The following ANKRD11 variants were observed in gnomAD, a reference collection of about 807,000 sequenced individuals.
The protein encoded by ANKRD11 is ankyrin repeat domain 11.
A neutral mutation model predicts 195.7 loss-of-function variants in ANKRD11; 17 were observed. The observed-to-expected ratio is 0.09, with a 90% confidence interval of 0.06 to 0.13. The LOEUF (loss-of-function observed/expected upper bound fraction) is 0.13, where lower values mean the gene tolerates loss of function less well. ANKRD11 is among the 10% of genes least tolerant of loss of function. The probability of loss-of-function intolerance (pLI) is 1.00; values close to 1 mark genes in which losing one functional copy is unlikely to be tolerated. For synonymous variants in ANKRD11, 1,953 were observed against 1,528.1 expected, an observed-to-expected ratio of 1.28 and a Z score of -6.49; for missense variants, 3,735 against 3,566.1, an observed-to-expected ratio of 1.05 and a Z score of -1.21.
chr16:89,379,586 C>A (rs2040559790), intron 2 of ANKRD11, among the ~76,000 whole-genome samples: 1 of 152,226 alleles, frequency 6.6e-6, no homozygotes, highest in Non-Finnish European at 1.5e-5. Context: ...TCAAGTGACA[C>A]TTCTGCCTCA....
Position 89,316,951 on chromosome 16 carries a change from C to T in ANKRD11, c.69G>A (p.Glu23=), listed in dbSNP as rs533051571. Residue 23 remains glutamate, a synonymous_variant, in exon 3 of 13, where the codon GAG becomes GAA. Coordinates refer to ENST00000301030, the MANE Select transcript of ANKRD11 (RefSeq NM_013275.6). ...GCATTACCTTTTTCCCAGTCTGCTT[C>T]TCCACCATGTCGCTGCTGAGGGGAA... ...EELPLSSDMV[E]KQTGKKDKDK... The T allele has an allele frequency of 2.2e-4, 355 of 1,613,824 alleles. 1 individual carries two copies. Among genetic ancestry groups the T allele is most frequent in the Middle Eastern group, 1.6e-3 (10 of 6,062 alleles).
rs1431780879 is a variant in ANKRD11 at position 89,284,799 on chromosome 16, AGAG to A, written c.1740_1742del (p.Ser581del). On this transcript the variant is annotated inframe_deletion, in exon 9 of 13. Transcript: ENST00000301030. The stretch of plus-strand genomic sequence containing the variant: ...TCAGCGATTCCACACTGGAGCCCTC[AGAG>A]GAGTAGTCAGACTCGCTTGTCAGTC... The A allele has an allele frequency of 4.3e-6, 7 of 1,613,536 alleles. No homozygotes were observed. In the African/African-American group the frequency reaches 5.3e-5, roughly 12 times the overall value.
In ANKRD11 at chr16:89,477,278, C is replaced by T. The variant is rs367949832; in HGVS notation, c.-145+12967G>A. ...CGCCATCTCGGCTCACTGCAACCTC[C>T]ACCTCCCATGTTCAAGCGATTCTCC... On this transcript the variant is annotated intron_variant, in intron 1 of 12. Coordinates refer to ENST00000301030, the MANE Select transcript of ANKRD11 (RefSeq NM_013275.6). Among the ~76,000 whole-genome samples the T allele has an allele frequency of 5.9e-5, 9 of 151,948 alleles. No individual in the cohort carries two copies. In the East Asian group the frequency reaches 1.2e-3, roughly 20 times the overall value.
intron 1 of ANKRD11, among the ~76,000 whole-genome samples, chr16:89,447,164 C>T (rs2152307727): frequency 6.6e-6 from 1 of 152,182 alleles, no homozygotes; most frequent in Non-Finnish European, 1.5e-5. Context: ...ACACCAGTGG[C>T]CTCCTCACCC....
At chr16:89,271,234 G>T in intron 11 of ANKRD11, 2 of 362,806 alleles carry the variant, frequency 5.5e-6, no homozygotes, top group Non-Finnish European at 1.0e-5. Context: ...ACTCCTGGGA[G>T]AGACTTTTTT....
chr16:89,280,149 C>A lies in ANKRD11; in HGVS notation c.6393G>T (p.Leu2131=), dbSNP rs768549819. ...CCGGCAGGGAGAAGGGCCCCAGGTC[C>A]AGGTCGTCCTCGGGGCCGGCGAAGG... The part of the protein sequence containing the change: ...ADAFAGPEDD[L]DLGPFSLPEL... The change falls in exon 9 of 13, where the codon CTG becomes CTT. Residue 2131 remains leucine (L), a synonymous_variant. Coordinates refer to ENST00000301030, the MANE Select transcript of ANKRD11 (RefSeq NM_013275.6). 29 of 1,610,802 alleles carry A rather than the reference C, an allele frequency of 1.8e-5. No individual in the cohort carries two copies. The highest frequency in any genetic ancestry group is 2.5e-5 in the Non-Finnish European group (29 of 1,179,134).
At chr16:89,484,887 T>G (rs2057553871) in intron 1 of ANKRD11, among the ~76,000 whole-genome samples, 1 of 152,130 alleles carries the variant, frequency 6.6e-6, no homozygotes, top group Admixed American at 6.6e-5. Flanking sequence ...CCTACAGATT[T>G]CCAGGATAAT....
chr16:89,460,027 G>A (rs992270595), intron 1 of ANKRD11, among the ~76,000 whole-genome samples: 5 of 151,994 alleles, frequency 3.3e-5, no homozygotes, highest in African/African-American at 4.8e-5. Context: ...TTTGAGGTCC[G>A]GAGTTTGAGA....
intron 4 of ANKRD11, chr16:89,301,707 G>T: frequency 5.0e-6 from 2 of 398,658 alleles, no homozygotes; most frequent in South Asian, 1.3e-4. Flanking sequence ...GCTGTGCAGG[G>T]ACCACGCGGA....
rs138699774 is a variant in ANKRD11 at position 89,319,555 on chromosome 16, C to T, written c.-59-2477G>A. On this transcript the variant is annotated intron_variant, in intron 2 of 12. Transcript: ENST00000301030. ...GTGGCCCTTCCAGGACCCTCGTGTC[C>T]GCCTGGCCTTGGCTACAACATGTTA... Among the ~76,000 whole-genome samples the T allele has an allele frequency of 1.6e-3, 251 of 152,358 alleles. 1 individual carries two copies. Among genetic ancestry groups the T allele is most frequent in the African/African-American group, 5.4e-3 (225 of 41,578 alleles).
chr16:89,469,143 G>A (rs1044651481), intron 1 of ANKRD11, among the ~76,000 whole-genome samples: 1 of 151,550 alleles, frequency 6.6e-6, no homozygotes, highest in Non-Finnish European at 1.5e-5. Flanking sequence ...CCACTGCACT[G>A]CACTTCAGCT....
chr16:89,361,056 C>A (rs1001923678), intron 2 of ANKRD11, among the ~76,000 whole-genome samples: 1 of 152,184 alleles, frequency 6.6e-6, no homozygotes, highest in Non-Finnish European at 1.5e-5. Context: ...CCAGGATCAG[C>A]CCACCCCAGC....
chr16:89,317,178 G>A, intron 2 of ANKRD11, 100 bp from the exon 3 acceptor site: 1 of 872,014 alleles, frequency 1.1e-6, no homozygotes, highest in Non-Finnish European at 1.8e-6. Context: ...AGTCAAGGCA[G>A]GCAGCTGCTC....
intron 1 of ANKRD11, among the ~76,000 whole-genome samples, chr16:89,463,699 C>G (rs1231914523): frequency 2.0e-5 from 3 of 151,690 alleles, no homozygotes; most frequent in African/African-American, 7.3e-5. Context: ...AAAAAAAAGC[C>G]TCACACTGGA....
chr16:89,367,102 C>A (rs994792326), intron 2 of ANKRD11, among the ~76,000 whole-genome samples: 1 of 152,210 alleles, frequency 6.6e-6, no homozygotes, highest in Non-Finnish European at 1.5e-5. Flanking sequence ...CACCCCGAGA[C>A]TCACCGGATA....
At chr16:89,464,363 C>T (rs2056808775) in intron 1 of ANKRD11, among the ~76,000 whole-genome samples, 1 of 151,498 alleles carries the variant, frequency 6.6e-6, no homozygotes, top group Admixed American at 6.6e-5. Flanking sequence ...AATCCCAGCA[C>T]TTTGGGAGGC....
intron 1 of ANKRD11, among the ~76,000 whole-genome samples, chr16:89,476,029 G>C (rs1289269276): frequency 1.3e-5 from 2 of 150,162 alleles, no homozygotes; most frequent in African/African-American, 4.9e-5. Flanking sequence ...TCCAGCCTGA[G>C]TGATAGAGCG....
chr16:89,378,354 G>C (rs1470990833), intron 2 of ANKRD11, among the ~76,000 whole-genome samples: 1 of 152,180 alleles, frequency 6.6e-6, no homozygotes, highest in Non-Finnish European at 1.5e-5. Context: ...TAATCCCCAA[G>C]TTGTTCAAGG....
Position 89,284,770 on chromosome 16 carries a change from G to A in ANKRD11, c.1772C>T (p.Pro591Leu), listed in dbSNP as rs2034526553. ...SEGSSVESLKPVRKRQEHRKR... is the reference protein window; with the variant it reads ...SEGSSVESLKLVRKRQEHRKR... Reference sequence around the variant, plus strand: ...CCTGTGCTCCTGCCTCTTCCTCACTGGCTTCAGCGATTCCACACTGGAGCC... The same window carrying A: ...CCTGTGCTCCTGCCTCTTCCTCACTAGCTTCAGCGATTCCACACTGGAGCC... Residue 591 changes from proline to leucine, a missense_variant, in exon 9 of 13, where the codon CCA becomes CTA. Pro to Leu is a moderately conservative substitution (Grantham distance 98). Coordinates refer to ENST00000301030, the MANE Select transcript of ANKRD11 (RefSeq NM_013275.6). The A allele has an allele frequency of 6.2e-7, 1 of 1,613,406 alleles. No individual in the cohort carries two copies. Among genetic ancestry groups the A allele is most frequent in the Non-Finnish European group, 8.5e-7 (1 of 1,180,012 alleles).
Sources: allele counts gnomAD v4.1 joint callset (sites outside exome capture counted in the v4.1 genomes callset), GRCh38; gene constraint gnomAD v4.1.1; transcripts MANE v1.5; gene names NCBI Gene and HGNC (gene_info 2026-07-23, HGNC 2026-07-21).